Variants in ZFYVE28 observed in about 807,000 individuals in gnomAD.
ZFYVE28 encodes the protein zinc finger FYVE-type containing 28.
A neutral mutation model predicts 82.1 loss-of-function variants in ZFYVE28; 40 were observed. The observed-to-expected ratio is 0.49, with a 90% confidence interval of 0.38 to 0.63. The LOEUF (loss-of-function observed/expected upper bound fraction) is 0.63. Ranked by LOEUF, ZFYVE28 falls within the 30% of genes least tolerant of loss-of-function variation. The pLI is 0.00. For synonymous variants in ZFYVE28, 612 were observed against 546.1 expected (o/e 1.12, Z -1.68); for missense variants, 1,321 against 1,242.1 (o/e 1.06, Z -0.96).
intron 1 of ZFYVE28, among the ~76,000 whole-genome samples, chr4:2,393,264 A>G (rs1730030296): frequency 6.6e-6 from 1 of 152,226 alleles, no homozygotes; most frequent in Admixed American, 6.5e-5. Context: ...GACACAGAAC[A>G]CCTGCCTTCC....
At chr4:2,272,214 G>A (rs941461250) in intron 10 of ZFYVE28, among the ~76,000 whole-genome samples, 6 of 152,110 alleles carry the variant, frequency 3.9e-5, no homozygotes, top group African/African-American at 9.7e-5. Context: ...GAGCTGGGTC[G>A]GCACATGGGC....
chr4:2,358,207 A>C (rs1725620805), intron 1 of ZFYVE28, among the ~76,000 whole-genome samples: 4 of 152,164 alleles, frequency 2.6e-5, no homozygotes, highest in Admixed American at 2.6e-4. Context: ...TGTGCGTGTG[A>C]ATCTGTGCGT....
chr4:2,352,655 C>T (rs752649422), intron 2 of ZFYVE28, among the ~76,000 whole-genome samples: 5 of 152,146 alleles, frequency 3.3e-5, no homozygotes, highest in Non-Finnish European at 7.4e-5. Flanking sequence ...AGATCCTTCT[C>T]ACAGGGCAGT....
intron 1 of ZFYVE28, 94 bp from the exon 2 acceptor site, chr4:2,354,167 G>A (rs1724898767): frequency 7.6e-6 from 10 of 1,319,288 alleles, no homozygotes; most frequent in African/African-American, 1.5e-5. Context: ...TGTGGGCTCA[G>A]CCTGGGACCT....
At chr4:2,392,552 C>T (rs1578361207) in intron 1 of ZFYVE28, among the ~76,000 whole-genome samples, 1 of 152,122 alleles carries the variant, frequency 6.6e-6, no homozygotes, top group African/African-American at 2.4e-5. Context: ...CAAGCAGGTC[C>T]GGATAGATTC....
chr4:2,270,734 G>A lies in ZFYVE28; in HGVS notation c.2655C>T (p.Ala885=), dbSNP rs546046808. The change falls in exon 13 of 13, where the codon GCC becomes GCT. Residue 885 remains alanine, a synonymous_variant. Coordinates refer to ENST00000290974, the MANE Select transcript of ZFYVE28 (RefSeq NM_020972.3). The part of the protein sequence containing the change: ...FHVTPFYSDK[A]GL ...TGCCCCTGGCACCACGTCACAGGCC[G>A]GCCTTGTCGCTGTAGAAGGGCGTGA... The A allele has an allele frequency of 2.0e-5, 32 of 1,613,142 alleles. No homozygotes were observed. Among genetic ancestry groups the A allele is most frequent in the South Asian group, 1.2e-4 (11 of 91,062 alleles).
At chr4:2,340,058 A>G (rs1722539976) in intron 3 of ZFYVE28, among the ~76,000 whole-genome samples, 1 of 152,096 alleles carries the variant, frequency 6.6e-6, no homozygotes, top group South Asian at 2.1e-4. Flanking sequence ...GATGAAGTTC[A>G]AGGAGCTTGG....
intron 8 of ZFYVE28, among the ~76,000 whole-genome samples, chr4:2,298,866 C>G (rs1438069520): frequency 1.3e-5 from 2 of 152,178 alleles, no homozygotes; most frequent in Non-Finnish European, 2.9e-5. Context: ...TGGTTCCAGC[C>G]TCCTCCCGAC....
Position 2,318,488 on chromosome 4 carries a change from C to T in ZFYVE28, c.803+1682G>A, listed in dbSNP as rs936070250. Among the ~76,000 whole-genome samples the T allele has an allele frequency of 3.3e-5, 5 of 152,108 alleles. No homozygotes were observed. In the South Asian group the frequency reaches 6.2e-4, roughly 19 times the overall value. ...CAGGAGAATCTCTTGAACTTGGAGGCGGAGACTGCAGTGAGCTGAGATCAC... is the reference window on the plus strand; with the variant it reads ...CAGGAGAATCTCTTGAACTTGGAGGTGGAGACTGCAGTGAGCTGAGATCAC... On this transcript the variant is annotated intron_variant, in intron 7 of 12. Coordinates refer to ENST00000290974, the MANE Select transcript of ZFYVE28 (RefSeq NM_020972.3).
At chr4:2,297,478 A>C (rs1193631604) in intron 8 of ZFYVE28, among the ~76,000 whole-genome samples, 3 of 152,174 alleles carry the variant, frequency 2.0e-5, no homozygotes, top group Admixed American at 6.5e-5. Flanking sequence ...GGAGGCCAGG[A>C]CCCACTGTCC....
intron 8 of ZFYVE28, among the ~76,000 whole-genome samples, chr4:2,275,390 G>A (rs1458719782): frequency 6.6e-6 from 1 of 151,978 alleles, no homozygotes; most frequent in Non-Finnish European, 1.5e-5. Flanking sequence ...CCATTTTCTG[G>A]GAAATTTCCC....
At chr4:2,359,626 C>T (rs1186775990) in intron 1 of ZFYVE28, among the ~76,000 whole-genome samples, 2 of 152,216 alleles carry the variant, frequency 1.3e-5, no homozygotes, top group Non-Finnish European at 2.9e-5. Flanking sequence ...AGCCCTGCCA[C>T]GCAGTAGTCT....
chr4:2,387,680 T>C (rs1159386907), intron 1 of ZFYVE28, among the ~76,000 whole-genome samples: 1 of 152,156 alleles, frequency 6.6e-6, no homozygotes, highest in Non-Finnish European at 1.5e-5. Flanking sequence ...TCTGGAATAC[T>C]GGTTGAACAA....
At chr4:2,279,752 G>T (rs192294830) in intron 8 of ZFYVE28, among the ~76,000 whole-genome samples, 1 of 150,460 alleles carries the variant, frequency 6.6e-6, no homozygotes, top group Non-Finnish European at 1.5e-5. Context: ...CTGCACTCCA[G>T]CCTGACAACA....
chr4:2,391,111 C>A (rs982483855), intron 1 of ZFYVE28, among the ~76,000 whole-genome samples: 2 of 152,240 alleles, frequency 1.3e-5, no homozygotes, highest in African/African-American at 2.4e-5. Context: ...CCTAAATGAC[C>A]GACAAGGGGC....
chr4:2,276,708 C>A (rs151048494), intron 8 of ZFYVE28, among the ~76,000 whole-genome samples: 1 of 152,056 alleles, frequency 6.6e-6, no homozygotes, highest in African/African-American at 2.4e-5. Flanking sequence ...AACCCAGCTA[C>A]CAAAGGATGC....
At position 2,305,066 on chromosome 4, in the gene ZFYVE28, C is replaced by A. The variant is rs774530093; in HGVS notation, c.1274G>T (p.Trp425Leu). The A allele has an allele frequency of 6.2e-7, 1 of 1,610,818 alleles. No individual in the cohort carries two copies. Among genetic ancestry groups the A allele is most frequent in the South Asian group, 1.1e-5 (1 of 90,906 alleles). Residue 425 changes from tryptophan (W) to leucine (L), a missense_variant, in exon 8 of 13, where the codon TGG (tryptophan) becomes TTG (leucine). Physicochemically the swap from Trp to Leu is moderately conservative, Grantham distance 61. Transcript: ENST00000290974. ...RPESPAGPFGWAGSTWADPQE... is the reference protein window; with the variant it reads ...RPESPAGPFGLAGSTWADPQE... ...GGGGTCGGCCCAGGTACTGCCTGCCCACCCAAATGGGCCAGCTGGGGACTC... is the reference window on the plus strand; with the variant it reads ...GGGGTCGGCCCAGGTACTGCCTGCCAACCCAAATGGGCCAGCTGGGGACTC...
At position 2,301,450 on chromosome 4, in the gene ZFYVE28, G is replaced by A. The variant is rs548048617; in HGVS notation, c.2051+2839C>T. Among the ~76,000 whole-genome samples the A allele has an allele frequency of 3.3e-5, 5 of 152,304 alleles. No homozygotes were observed. The South Asian group carries it at 8.3e-4, about 25-fold the overall frequency. On this transcript the variant is annotated intron_variant, in intron 8 of 12. Coordinates refer to ENST00000290974, the MANE Select transcript of ZFYVE28 (RefSeq NM_020972.3). ...CTTGCTTTCTCGGATCCTCAGCACTGCCAGAAACGCTTCCCTGGAAGATGA... is the reference window on the plus strand; with the variant it reads ...CTTGCTTTCTCGGATCCTCAGCACTACCAGAAACGCTTCCCTGGAAGATGA...
At chr4:2,321,387 G>A (rs923020319) in intron 6 of ZFYVE28, among the ~76,000 whole-genome samples, 6 of 152,138 alleles carry the variant, frequency 3.9e-5, no homozygotes, top group African/African-American at 1.2e-4. Context: ...CCTAAAAATC[G>A]TTGGGTTTCA....
Sources: gnomAD v4.1 joint callset for allele counts (sites outside exome capture counted in the v4.1 genomes callset) on GRCh38, gnomAD v4.1.1 for gene constraint, MANE v1.5 for transcripts, NCBI Gene and HGNC (gene_info 2026-07-23, HGNC 2026-07-21) for gene names.